Variants in EXOC4 observed in about 807,000 individuals in gnomAD.
EXOC4 encodes SEC8-like 1.
Under a neutral mutation model 107.2 loss-of-function variants are expected in EXOC4, and 71 were observed. That is an observed-to-expected ratio of 0.66 (90% CI 0.55 to 0.81). The LOEUF (loss-of-function observed/expected upper bound fraction) is 0.81, where lower values mean the gene tolerates loss of function less well. Ranked by LOEUF, EXOC4 falls within the 30% of genes least tolerant of loss-of-function variation. EXOC4 has a pLI of 0.00. For synonymous variants in EXOC4, 456 were observed against 441.2 expected (o/e 1.03, Z -0.42); for missense variants, 1,108 against 1,189.6 (o/e 0.93, Z 1.01).
intron 10 of EXOC4, among the ~76,000 whole-genome samples, chr7:133,743,651 C>CA (rs1333976790): frequency 2.0e-5 from 2 of 101,266 alleles, no homozygotes; most frequent in Non-Finnish European, 4.2e-5. Context: ...TGAAATTAGT[C>CA]AAAACCCCCC....
At chr7:134,013,203 A>G (rs1256564684) in intron 17 of EXOC4, among the ~76,000 whole-genome samples, 2 of 152,228 alleles carry the variant, frequency 1.3e-5, no homozygotes, top group African/African-American at 4.8e-5. Context: ...TCTCAAGGTC[A>G]GTATCAACAT....
chr7:134,073,217 A>AAAAAAAAC, the EXOC4 span, among the ~76,000 whole-genome samples: 2 of 45,208 alleles, frequency 4.4e-5, no homozygotes, highest in East Asian at 6.9e-4. Context: ...AAAAAAAAAA[A>AAAAAAAAC]AAAAAAAAAA....
intron 5 of EXOC4, among the ~76,000 whole-genome samples, chr7:133,344,518 C>T (rs1010598954): frequency 3.2e-4 from 49 of 152,128 alleles, no homozygotes; most frequent in Admixed American, 3.0e-3. Context: ...GGTTTGTGGT[C>T]TCTGAATTTT....
chr7:133,505,819 T>G (rs1799655688), intron 9 of EXOC4, among the ~76,000 whole-genome samples: 1 of 152,072 alleles, frequency 6.6e-6, no homozygotes, highest in Non-Finnish European at 1.5e-5. Context: ...GATTTGTAGC[T>G]TGGATGACTT....
chr7:133,565,604 T>C (rs575823186), intron 9 of EXOC4, among the ~76,000 whole-genome samples: 5 of 152,304 alleles, frequency 3.3e-5, no homozygotes, highest in Admixed American at 6.5e-5. Context: ...ATTTCAGATA[T>C]ACAGTAACCA....
intron 10 of EXOC4, among the ~76,000 whole-genome samples, chr7:133,689,743 T>G (rs544639172): frequency 6.6e-6 from 1 of 152,298 alleles, no homozygotes; most frequent in African/African-American, 2.4e-5. Flanking sequence ...GAACCCAAGG[T>G]CAGGGACCTT....
intron 10 of EXOC4, among the ~76,000 whole-genome samples, chr7:133,753,635 A>C (rs1296406984): frequency 6.6e-6 from 1 of 152,234 alleles, no homozygotes; most frequent in Non-Finnish European, 1.5e-5. Context: ...CTCCAGGTGA[A>C]CAAGGAAGGA....
intron 9 of EXOC4, among the ~76,000 whole-genome samples, chr7:133,530,961 T>G (rs1409410376): frequency 6.6e-6 from 1 of 152,144 alleles, no homozygotes; most frequent in Admixed American, 6.5e-5. Flanking sequence ...TACTCTTTTT[T>G]TTCTAGTTAA....
intron 5 of EXOC4, among the ~76,000 whole-genome samples, chr7:133,324,241 G>A (rs936287479): frequency 4.6e-5 from 7 of 151,872 alleles, no homozygotes; most frequent in African/African-American, 1.7e-4. Context: ...GTTATTTCTT[G>A]CCTTCTGCTA....
intron 10 of EXOC4, among the ~76,000 whole-genome samples, chr7:133,700,008 A>G (rs1794622024): frequency 6.6e-6 from 1 of 152,178 alleles, no homozygotes; most frequent in Admixed American, 6.5e-5. Context: ...GTCTGACATT[A>G]TGTTCATGTG....
chr7:133,796,017 C>T (rs1262423139), intron 10 of EXOC4, among the ~76,000 whole-genome samples: 1 of 152,056 alleles, frequency 6.6e-6, no homozygotes, highest in Non-Finnish European at 1.5e-5. Context: ...TATGATGATG[C>T]TTCCTTTTAT....
At chr7:133,448,105 T>C (rs1798258924) in intron 7 of EXOC4, among the ~76,000 whole-genome samples, 1 of 152,156 alleles carries the variant, frequency 6.6e-6, no homozygotes, top group Non-Finnish European at 1.5e-5. Flanking sequence ...AAAAAGTGGC[T>C]CTAGGTGAGG....
intron 7 of EXOC4, among the ~76,000 whole-genome samples, chr7:133,382,699 T>A (rs1227335207): frequency 6.6e-6 from 1 of 152,210 alleles, no homozygotes; most frequent in Non-Finnish European, 1.5e-5. Flanking sequence ...ATTTCTGTAT[T>A]TCTTTGAATG....
intron 7 of EXOC4, among the ~76,000 whole-genome samples, chr7:133,433,627 G>C (rs184446414): frequency 6.6e-6 from 1 of 152,134 alleles, no homozygotes; most frequent in Non-Finnish European, 1.5e-5. Context: ...GTATTGTGGC[G>C]GTAGCTGACA....
intron 10 of EXOC4, among the ~76,000 whole-genome samples, chr7:133,644,297 G>A (rs1215486729): frequency 1.3e-5 from 2 of 152,148 alleles, no homozygotes; most frequent in African/African-American, 2.4e-5. Context: ...TGTCCATTAC[G>A]GTAGCTATGC....
chr7:133,293,505 T>C (rs1383842988), intron 3 of EXOC4, among the ~76,000 whole-genome samples: 1 of 152,236 alleles, frequency 6.6e-6, no homozygotes, highest in Non-Finnish European at 1.5e-5. Context: ...ATTTCTATTT[T>C]AAGGCAGATG....
chr7:133,561,429 G>A (rs1368836542), intron 9 of EXOC4, among the ~76,000 whole-genome samples: 1 of 152,142 alleles, frequency 6.6e-6, no homozygotes, highest in Non-Finnish European at 1.5e-5. Context: ...TTTCCAGGAA[G>A]CCATTACCCC....
intron 7 of EXOC4, among the ~76,000 whole-genome samples, chr7:133,450,385 A>G (rs1324554352): frequency 6.6e-6 from 1 of 150,634 alleles, no homozygotes; most frequent in Non-Finnish European, 1.5e-5. Context: ...CTGATCTTGA[A>G]CTCCTGTCCT....
chr7:133,896,049 A>G (rs1279811532), intron 12 of EXOC4, among the ~76,000 whole-genome samples: 10 of 152,214 alleles, frequency 6.6e-5, no homozygotes, highest in African/African-American at 7.2e-5. Flanking sequence ...TGGTTAGTCT[A>G]TCTTGTGGTT....
Sources: gnomAD v4.1 joint callset for allele counts (sites outside exome capture counted in the v4.1 genomes callset) on GRCh38, gnomAD v4.1.1 for gene constraint, MANE v1.5 for transcripts, NCBI Gene and HGNC (gene_info 2026-07-23, HGNC 2026-07-21) for gene names.